Variants in RBM28 observed in about 807,000 individuals in gnomAD.
RBM28 encodes RNA-binding protein 28.
A neutral mutation model predicts 98.3 loss-of-function variants in RBM28; 78 were observed. The ratio of observed to expected loss-of-function variants is 0.79; its 90% CI spans 0.66 to 0.96. The LOEUF (loss-of-function observed/expected upper bound fraction) is 0.96, where lower values mean the gene tolerates loss of function less well. Among genes scored for constraint, RBM28 ranks in the 40% least tolerant of loss-of-function variants. The probability of loss-of-function intolerance (pLI) is 0.00; values close to 1 mark genes in which losing one functional copy is unlikely to be tolerated. For synonymous variants in RBM28, 306 were observed against 330.9 expected (o/e 0.92, Z 0.82); for missense variants, 838 against 913.0 (o/e 0.92, Z 1.06).
intron 10 of RBM28, among the ~76,000 whole-genome samples, chr7:128,328,916 C>G (rs929500110): frequency 1.3e-5 from 2 of 151,896 alleles, no homozygotes; most frequent in African/African-American, 4.8e-5. Context: ...AGATCTCTAA[C>G]TCTGTTCCAC....
chr7:128,305,089 G>C lies in RBM28; in HGVS notation c.*5708C>G, dbSNP rs1056836768. ...AGGAAGAACTGCTTGAACCTGGGGG[G>C]TGGAGGTTGCAGTGAGCTGAGATCA... On this transcript the variant is annotated 3_prime_UTR_variant, in exon 19 of 19. Transcript: ENST00000223073. The C allele has an allele frequency of 6.6e-6, 1 of 151,728 alleles. No individual in the cohort carries two copies. Among genetic ancestry groups the C allele is most frequent in the Non-Finnish European group, 1.5e-5 (1 of 68,002 alleles). 9.4% of individuals were successfully genotyped at this position (151,728 alleles called of 1,614,324 possible).
Position 128,333,273 on chromosome 7 carries a change from G to A in RBM28, c.1019+17C>T. 6.4e-7 allele frequency: 1 copy of A among 1,560,212 alleles called. No homozygotes were observed. Among genetic ancestry groups the A allele is most frequent in the South Asian group, 1.1e-5 (1 of 89,938 alleles). On this transcript the variant is annotated intron_variant, in intron 9 of 18. Transcript: ENST00000223073. ...TGAAGACCACGCAAAAGCAATTCTG[G>A]AGGCAGAAAGACATACCTGATAAAA...
At chr7:128,326,553 A>C (rs1790431174) in intron 10 of RBM28, among the ~76,000 whole-genome samples, 1 of 152,212 alleles carries the variant, frequency 6.6e-6, no homozygotes, top group Non-Finnish European at 1.5e-5. Context: ...TGTGCTGTAC[A>C]GGTTTGTAGC....
Position 128,299,740 on chromosome 7 carries a change from C to T in RBM28, c.*11057G>A, listed in dbSNP as rs12532999. On this transcript the variant is annotated 3_prime_UTR_variant, in exon 19 of 19. Transcript: ENST00000223073. The stretch of plus-strand genomic sequence containing the variant: ...TAAGGACCCCATCTCAATACTATCA[C>T]ATTGGCAATAACCTGAATTTTGGAA... 58,372 of 152,092 alleles carry T rather than the reference C, an allele frequency of 0.38. 11,817 individuals are homozygous for T. Among genetic ancestry groups the T allele is most frequent in the East Asian group, 0.61 (3,177 of 5,172 alleles). The allele number at this position is 152,092 out of a possible 1,614,324, so 9.4% of individuals were successfully genotyped here.
intron 14 of RBM28, among the ~76,000 whole-genome samples, chr7:128,319,263 G>A (rs1050996477): frequency 3.9e-5 from 6 of 152,160 alleles, no homozygotes; most frequent in African/African-American, 1.4e-4. Context: ...CTGTTCTCAA[G>A]ATGCTTACCA....
rs1281662649 is a variant in RBM28, at chr7:128,302,460, CTGACCTCCAGGGGAA to C, written c.*8322_*8336del. ...GCTATGGAAAATAAATAGCCATTAT[CTGACCTCCAGGGGAA>C]TGAAGATGTCTGCAGAATTCGGGGA... On this transcript the variant is annotated 3_prime_UTR_variant, in exon 19 of 19. Coordinates refer to ENST00000223073, the MANE Select transcript of RBM28 (RefSeq NM_018077.3). 6.6e-6 allele frequency: 1 copy of C among 152,240 alleles called. No individual in the cohort carries two copies. The highest frequency in any genetic ancestry group is 1.5e-5 in the Non-Finnish European group (1 of 68,040). The allele number at this position is 152,240 out of a possible 1,614,324, so 9.4% of individuals were successfully genotyped here. A position where few individuals can be genotyped will look rare whatever the true frequency, so the allele number is the denominator to read the frequency against.
chr7:128,323,839 A>G (rs1273870700), intron 12 of RBM28, among the ~76,000 whole-genome samples: 1 of 152,208 alleles, frequency 6.6e-6, no homozygotes, highest in East Asian at 1.9e-4. Flanking sequence ...TCTCCCCTCA[A>G]AGAATCTTCA....
At chr7:128,316,458 C>T (rs565674758) in intron 16 of RBM28, among the ~76,000 whole-genome samples, 2 of 152,310 alleles carry the variant, frequency 1.3e-5, no homozygotes, top group East Asian at 3.9e-4. Context: ...CGCCTGTAAT[C>T]CCAGCACTTT....
chr7:128,336,837 T>C (rs1310977317), intron 6 of RBM28, among the ~76,000 whole-genome samples: 2 of 152,148 alleles, frequency 1.3e-5, no homozygotes, highest in African/African-American at 4.8e-5. Context: ...CACTGCAACC[T>C]CTGCCTCCCA....
rs1028240835 is a variant in RBM28 at position 128,307,203 on chromosome 7, T to C, written c.*3594A>G. On this transcript the variant is annotated 3_prime_UTR_variant, in exon 19 of 19. Transcript: ENST00000223073. ...TGGAGAAGTGCAGGAACTTTCAAAGTTGCATGGGCAGAGCTGCTTCTTATA... is the reference window on the plus strand; with the variant it reads ...TGGAGAAGTGCAGGAACTTTCAAAGCTGCATGGGCAGAGCTGCTTCTTATA... 1 of 152,246 alleles carries C rather than the reference T, an allele frequency of 6.6e-6. No individual in the cohort carries two copies. Among genetic ancestry groups the C allele is most frequent in the Non-Finnish European group, 1.5e-5 (1 of 68,048 alleles). 9.4% of individuals were successfully genotyped at this position (152,246 alleles called of 1,614,324 possible).
At chr7:128,338,152 T>C (rs755770406) in intron 5 of RBM28, 98 bp downstream of exon 5, 65 of 876,344 alleles carry the variant, frequency 7.4e-5, no homozygotes, top group African/African-American at 2.0e-4. Context: ...CTCTTAATAA[T>C]GCAAACATCT....
intron 8 of RBM28, 109 bp from the exon 9 acceptor site, chr7:128,333,471 A>T: frequency 1.1e-6 from 1 of 935,562 alleles, no homozygotes. Flanking sequence ...GGCTCATGCC[A>T]CTTTGAAAAG....
At chr7:128,313,154 T>C (rs779299942) in intron 18 of RBM28, 21 bp downstream of exon 18, 1 of 1,602,188 alleles carries the variant, frequency 6.2e-7, no homozygotes, top group Non-Finnish European at 8.6e-7. Flanking sequence ...ATACCAAAGC[T>C]GTATGTCCTG....
intron 5 of RBM28, among the ~76,000 whole-genome samples, chr7:128,337,711 C>T (rs1796632663): frequency 6.6e-6 from 1 of 152,086 alleles, no homozygotes; most frequent in African/African-American, 2.4e-5. Flanking sequence ...GCATGCACCA[C>T]CACACCTGGC....
Position 128,313,014 on chromosome 7 carries a change from C to T in RBM28, c.2145+161G>A, listed in dbSNP as rs970974002. ...GTGGAGGTTCATTTTACTTTTTTCT[C>T]TCCACTTTTAAGATTGTATAGCTCA... On this transcript the variant is annotated intron_variant, in intron 18 of 18. Transcript: ENST00000223073. 4 of 726,798 alleles carry T rather than the reference C, an allele frequency of 5.5e-6. No individual in the cohort carries two copies. In the East Asian group the frequency reaches 8.1e-5, roughly 15 times the overall value. 45.0% of individuals were successfully genotyped at this position (726,798 alleles called of 1,614,324 possible).
At chr7:128,341,296 G>GC (rs1796718948) in intron 1 of RBM28, 10 of 685,886 alleles carry the variant, frequency 1.5e-5, no homozygotes, top group Non-Finnish European at 2.2e-5. Flanking sequence ...TCACCTTTCA[G>GC]AAAATGAGCA....
chr7:128,337,750 G>A (rs2116387739), intron 5 of RBM28, among the ~76,000 whole-genome samples: 1 of 152,110 alleles, frequency 6.6e-6, no homozygotes, highest in African/African-American at 2.4e-5. Context: ...TAGAGACGGG[G>A]TTTCGCCATG....
rs754195447 is a variant in RBM28 at position 128,324,647 on chromosome 7, C to T, written c.1251G>A (p.Ala417=). Residue 417 remains alanine (A), a synonymous_variant, in exon 12 of 19, where the codon GCG becomes GCA. Coordinates refer to ENST00000223073, the MANE Select transcript of RBM28 (RefSeq NM_018077.3). ...GCTTTGCAGCCTCATCACGGGTCAC[C>T]GCCAAGTCAACCTTGAGCTGCCGGC... ...LDGRQLKVDL[A]VTRDEAAKLQ... 1.1e-5 allele frequency: 17 copies of T among 1,614,054 alleles called. No individual in the cohort carries two copies. Among genetic ancestry groups the T allele is most frequent in the Admixed American group, 1.0e-4 (6 of 59,990 alleles).
chr7:128,315,821 G>C (rs1796096377), intron 16 of RBM28, among the ~76,000 whole-genome samples: 2 of 152,206 alleles, frequency 1.3e-5, no homozygotes, highest in Admixed American at 6.5e-5. Flanking sequence ...GTTGCCAGTA[G>C]ACCTGTCTGC....
Sources: gnomAD v4.1 joint callset for allele counts (sites outside exome capture counted in the v4.1 genomes callset) on GRCh38, gnomAD v4.1.1 for gene constraint, MANE v1.5 for transcripts, NCBI Gene and HGNC (gene_info 2026-07-23, HGNC 2026-07-21) for gene names.